The following DSG4 variants were observed in gnomAD, a reference collection of about 807,000 sequenced individuals.
DSG4 encodes the protein desmoglein 4, also known as desmoglein-4.
A neutral mutation model predicts 93.1 loss-of-function variants in DSG4; 87 were observed. That is an observed-to-expected ratio of 0.93 (90% CI 0.79 to 1.12). The LOEUF is 1.12. DSG4 is among the 50% of genes most tolerant of loss of function. The probability of loss-of-function intolerance (pLI) is 0.00; values close to 1 mark genes in which losing one functional copy is unlikely to be tolerated. For synonymous variants in DSG4, 432 were observed against 452.9 expected (o/e 0.95, Z 0.59); for missense variants, 1,373 against 1,285.7 (o/e 1.07, Z -1.04).
chr18:31,413,135 T>C lies in DSG4; in HGVS notation c.2663T>C (p.Val888Ala), dbSNP rs930247074. The change falls in exon 16 of 16, where the codon GTT (valine) becomes GCT (alanine). Residue 888 changes from valine to alanine, a missense_variant. By Grantham distance (64) the Val-to-Ala change is moderately conservative. Transcript: ENST00000308128. ...NESSGLTPSEVEFQEEMAASE... is the reference protein window; with the variant it reads ...NESSGLTPSEAEFQEEMAASE... ...TCTTCAGGATTGACTCCCTCAGAAG[T>C]TGAATTCCAAGAAGAAATGGCAGCA... 1.9e-6 allele frequency: 3 copies of C among 1,614,104 alleles called. No homozygotes were observed. The highest frequency in any genetic ancestry group is 2.5e-6 in the Non-Finnish European group (3 of 1,180,020).
intron 9 of DSG4, 93 bp downstream of exon 9, chr18:31,399,636 G>A (rs2072344150): frequency 3.9e-6 from 6 of 1,526,678 alleles, no homozygotes; most frequent in South Asian, 1.1e-5. Flanking sequence ...TACTTTTGGA[G>A]GGCTTTTTTG....
chr18:31,400,904 G>A lies in DSG4; in HGVS notation c.1301G>A (p.Gly434Asp). The change falls in exon 10 of 16, where the codon GGC becomes GAC. Residue 434 changes from glycine (G) to aspartate (D), a missense_variant. By Grantham distance (94) the Gly-to-Asp change is moderately conservative (BLOSUM62 -1). Transcript: ENST00000308128. ...DVRYIIGHDA[G>D]SWLKIDSRTG... is the part of the protein sequence containing the mutation. Reference sequence around the variant, plus strand: ...AGATATATCATAGGGCATGATGCAGGCAGCTGGTTAAAAATTGATTCAAGA... The same window carrying A: ...AGATATATCATAGGGCATGATGCAGACAGCTGGTTAAAAATTGATTCAAGA... 3 of 1,612,458 alleles carry A rather than the reference G, an allele frequency of 1.9e-6. No homozygotes were observed. The highest frequency in any genetic ancestry group is 2.5e-6 in the Non-Finnish European group (3 of 1,179,042).
Position 31,403,558 on chromosome 18 carries a change from T to A in DSG4, c.1560T>A (p.Tyr520Ter), listed in dbSNP as rs1392163188. The change falls in exon 11 of 16, where the codon TAT becomes TAA. Residue 520 changes from tyrosine (Y) to a stop codon, truncating the protein, a stop_gained. Coordinates refer to ENST00000308128, the MANE Select transcript of DSG4 (RefSeq NM_177986.5). LOFTEE classifies it high-confidence loss of function. ...TTATCTCTGTTAATGAACATTCTTATGGGTCTCCGTTTACTTTCTGTGTTG... is the reference window on the plus strand; with the variant it reads ...TTATCTCTGTTAATGAACATTCTTAAGGGTCTCCGTTTACTTTCTGTGTTG... ...SVLISVNEHS[Y>*]GSPFTFCVVD... 1.2e-6 allele frequency: 2 copies of A among 1,613,986 alleles called. No homozygotes were observed. Among genetic ancestry groups the A allele is most frequent in the Admixed American group, 1.7e-5 (1 of 60,002 alleles).
chr18:31,413,363 A>T lies in DSG4; in HGVS notation c.2891A>T (p.Tyr964Phe). The T allele has an allele frequency of 2.5e-6, 4 of 1,614,176 alleles. No homozygotes were observed. The South Asian group carries it at 4.4e-5, about 18-fold the overall frequency. ...TTAGCAGATTACAACAATGTAATCTATGCTGAGAGAGTACTGGCTAGTCCT... is the reference window on the plus strand; with the variant it reads ...TTAGCAGATTACAACAATGTAATCTTTGCTGAGAGAGTACTGGCTAGTCCT... ...AELADYNNVI[Y>F]AERVLASPGV... Residue 964 changes from tyrosine to phenylalanine, a missense_variant, in exon 16 of 16, where the codon TAT (tyrosine) becomes TTT (phenylalanine). By Grantham distance (22) the Tyr-to-Phe change is conservative. Coordinates refer to ENST00000308128, the MANE Select transcript of DSG4 (RefSeq NM_177986.5).
At chr18:31,394,680 GAAAA>G (rs5823804) in intron 8 of DSG4, among the ~76,000 whole-genome samples, 2 of 146,150 alleles carry the variant, frequency 1.4e-5, no homozygotes, top group African/African-American at 2.5e-5. Context: ...AGTAAAAATG[GAAAA>G]AAAAAAAAAA....
At chr18:31,410,148 C>T (rs2072470453) in intron 14 of DSG4, among the ~76,000 whole-genome samples, 1 of 152,046 alleles carries the variant, frequency 6.6e-6, no homozygotes, top group Non-Finnish European at 1.5e-5. Context: ...CCATGATGAT[C>T]AAAAAGTTTC....
At chr18:31,406,032 C>T in intron 11 of DSG4, 45 bp from the exon 12 acceptor site, 1 of 1,611,604 alleles carries the variant, frequency 6.2e-7, no homozygotes, top group East Asian at 2.2e-5. Flanking sequence ...CCCTAGCCCA[C>T]CAAGGAATTT....
At chr18:31,405,253 T>C (rs572221150) in intron 11 of DSG4, among the ~76,000 whole-genome samples, 108 of 152,344 alleles carry the variant, frequency 7.1e-4, no homozygotes, top group Admixed American at 2.9e-3. Context: ...CAATATGTTT[T>C]ATGAAAATTC....
rs1383446013 is a variant in DSG4, at chr18:31,386,790, G to A, written c.187G>A (p.Asp63Asn). 8 of 1,613,240 alleles carry A rather than the reference G, an allele frequency of 5.0e-6. No individual in the cohort carries two copies. Among genetic ancestry groups the A allele is most frequent in the Non-Finnish European group, 6.8e-6 (8 of 1,179,438 alleles). Reference sequence around the variant, plus strand: ...TGCCGCAGCCTGTCGAGAAGGAGAGGACAACTCGAAGAGGAACCCCATTGC... The same window carrying A: ...TGCCGCAGCCTGTCGAGAAGGAGAGAACAACTCGAAGAGGAACCCCATTGC... Reference protein sequence around the residue: ...KFAAACREGEDNSKRNPIAKI... With the variant: ...KFAAACREGENNSKRNPIAKI... The change falls in exon 3 of 16, where the codon GAC becomes AAC. Residue 63 changes from aspartate (D) to asparagine (N), a missense_variant. Physicochemically the swap from Asp to Asn is conservative, Grantham distance 23. Coordinates refer to ENST00000308128, the MANE Select transcript of DSG4 (RefSeq NM_177986.5).
In DSG4 at chr18:31,376,829, T is replaced by A. The variant is rs1367362621; in HGVS notation, c.-83T>A. On this transcript the variant is annotated 5_prime_UTR_variant, in exon 1 of 16. Coordinates refer to ENST00000308128, the MANE Select transcript of DSG4 (RefSeq NM_177986.5). ...AAAAGGGTGTCTCAAAGCATATCTTTCTGTAGAGCAGAATTCGGAACTGAG... is the reference window on the plus strand; with the variant it reads ...AAAAGGGTGTCTCAAAGCATATCTTACTGTAGAGCAGAATTCGGAACTGAG... 6.0e-6 allele frequency: 9 copies of A among 1,495,826 alleles called. No individual in the cohort carries two copies. The highest frequency in any genetic ancestry group is 3.4e-5 in the Admixed American group (2 of 59,502). The allele number at this position is 1,495,826 out of a possible 1,614,324, so 92.7% of individuals were successfully genotyped here.
rs1338902586 is a variant in DSG4, at chr18:31,406,270, T to A, written c.1830T>A (p.Gly610=). 1.9e-6 allele frequency: 3 copies of A among 1,614,198 alleles called. No individual in the cohort carries two copies. The highest frequency in any genetic ancestry group is 8.5e-7 in the Non-Finnish European group (1 of 1,180,032). The change falls in exon 12 of 16, where the codon GGT becomes GGA. Residue 610 remains glycine (G), a synonymous_variant. Transcript: ENST00000308128. ...AAGIYTEDIT[G]DTYGPVTEDQ... The stretch of plus-strand genomic sequence containing the variant: ...GCATCTACACAGAGGACATAACTGG[T>A]GACACGTATGGGCCTGTCACTGAAG...
In DSG4 at chr18:31,400,965, G is replaced by A; in HGVS notation, c.1362G>A (p.Lys454=). 6.2e-7 allele frequency: 1 copy of A among 1,611,720 alleles called. No homozygotes were observed. Among genetic ancestry groups the A allele is most frequent in the East Asian group, 2.2e-5 (1 of 44,724 alleles). Residue 454 remains lysine, a synonymous_variant, in exon 10 of 16, where the codon AAG becomes AAA. Transcript: ENST00000308128. ...GEIQFSREFD[K]KSKYIINGIY... ...TACAATTTTCTAGAGAATTTGATAAGAAGTCAAAATATATTATCAATGGGA... is the reference window on the plus strand; with the variant it reads ...TACAATTTTCTAGAGAATTTGATAAAAAGTCAAAATATATTATCAATGGGA...
In DSG4 at chr18:31,409,752, C is replaced by A; in HGVS notation, c.2081C>A (p.Ser694Ter). 1 of 1,614,096 alleles carries A rather than the reference C, an allele frequency of 6.2e-7. No homozygotes were observed. The highest frequency in any genetic ancestry group is 8.5e-7 in the Non-Finnish European group (1 of 1,180,026). Residue 694 changes from serine to a stop codon, truncating the protein, a stop_gained, in exon 14 of 16, where the codon TCA becomes TAA. Transcript: ENST00000308128. LOFTEE classifies it high-confidence loss of function. Reference sequence around the variant, plus strand: ...GTTTATTTTTCTTTTCAGGATGTGTCAAATATATGTGCACCCATGACAGCC... The same window carrying A: ...GTTTATTTTTCTTTTCAGGATGTGTAAAATATATGTGCACCCATGACAGCC... ...EGAHPEDRDV[S>*]NICAPMTASN...
intron 12 of DSG4, among the ~76,000 whole-genome samples, chr18:31,406,801 G>A (rs769680525): frequency 6.6e-6 from 1 of 150,804 alleles, no homozygotes; most frequent in African/African-American, 2.4e-5. Flanking sequence ...TTTTTGAGAT[G>A]GAATCTTGCT....
chr18:31,382,827 C>CCTAA (rs1013186696), intron 1 of DSG4, among the ~76,000 whole-genome samples: 11 of 152,086 alleles, frequency 7.2e-5, no homozygotes, highest in Non-Finnish European at 1.6e-4. Context: ...AACCCTGGGT[C>CCTAA]CTAGTATTCC....
At chr18:31,382,139 G>A (rs923372901) in intron 1 of DSG4, among the ~76,000 whole-genome samples, 1 of 151,978 alleles carries the variant, frequency 6.6e-6, no homozygotes, top group African/African-American at 2.4e-5. Context: ...ATCTCTCCAG[G>A]TTATGTTTGC....
At position 31,412,862 on chromosome 18, in the gene DSG4, G is replaced by A. The variant is rs1442745177; in HGVS notation, c.2390G>A (p.Arg797Gln). The change falls in exon 16 of 16, where the codon CGA becomes CAA. Residue 797 changes from arginine to glutamine, a missense_variant. Coordinates refer to ENST00000308128, the MANE Select transcript of DSG4 (RefSeq NM_177986.5). ...AYAYADEDEGRPANDCLLIYD... is the reference protein window; with the variant it reads ...AYAYADEDEGQPANDCLLIYD... Reference sequence around the variant, plus strand: ...GCTTATGCAGATGAAGATGAAGGTCGACCAGCCAATGACTGCTTGCTCATT... The same window carrying A: ...GCTTATGCAGATGAAGATGAAGGTCAACCAGCCAATGACTGCTTGCTCATT... 9 of 1,613,988 alleles carry A rather than the reference G, an allele frequency of 5.6e-6. No individual in the cohort carries two copies. Among genetic ancestry groups the A allele is most frequent in the Admixed American group, 1.7e-5 (1 of 59,994 alleles).
At chr18:31,388,722 A>G in intron 4 of DSG4, 152 bp from the exon 5 acceptor site, 1 of 1,304,802 alleles carries the variant, frequency 7.7e-7, no homozygotes, top group Non-Finnish European at 1.1e-6. Context: ...ACATGTAGTC[A>G]AGTGTCCTGA....
intron 5 of DSG4, among the ~76,000 whole-genome samples, chr18:31,390,408 A>C (rs773797576): frequency 1.3e-5 from 2 of 152,214 alleles, no homozygotes; most frequent in Non-Finnish European, 2.9e-5. Flanking sequence ...AACTATGTTT[A>C]GCCACTAATT....
Sources: allele counts gnomAD v4.1 joint callset (sites outside exome capture counted in the v4.1 genomes callset), GRCh38; gene constraint gnomAD v4.1.1; transcripts MANE v1.5; gene names NCBI Gene and HGNC (gene_info 2026-07-23, HGNC 2026-07-21).